Variants in PTPRD observed in about 807,000 individuals in gnomAD.
The protein encoded by PTPRD is receptor-type tyrosine-protein phosphatase delta.
In PTPRD, 34 loss-of-function variants were observed where a neutral mutation model predicts 214.5. That is an observed-to-expected ratio of 0.16 (90% CI 0.12 to 0.21). PTPRD has a LOEUF of 0.21. Among genes scored for constraint, PTPRD ranks in the 10% least tolerant of loss-of-function variants. The pLI is 1.00. For missense variants in PTPRD, 2,545 were observed against 2,398.7 expected, an observed-to-expected ratio of 1.06 and a Z score of -1.27; for synonymous variants, 1,128 against 845.7, an observed-to-expected ratio of 1.33 and a Z score of -5.79.
rs180736689 is a variant in PTPRD at position 9,132,336 on chromosome 9, T to A, written c.-143+50968A>T. On this transcript the variant is annotated intron_variant, in intron 10 of 45. Coordinates refer to ENST00000381196, the MANE Select transcript of PTPRD (RefSeq NM_002839.4). Reference sequence around the variant, plus strand: ...GCCACTAGTTTTGAAGGTTGTGAATTTTCCTAAATCTTGCATGATTTGGGT... The same window carrying A: ...GCCACTAGTTTTGAAGGTTGTGAATATTCCTAAATCTTGCATGATTTGGGT... Among the ~76,000 whole-genome samples the A allele has an allele frequency of 2.0e-4, 31 of 152,308 alleles. 1 individual carries two copies. The highest frequency in any genetic ancestry group is 1.5e-3 in the East Asian group (8 of 5,176).
intron 10 of PTPRD, among the ~76,000 whole-genome samples, chr9:9,105,231 T>A (rs758709747): frequency 2.0e-5 from 3 of 152,142 alleles, no homozygotes; most frequent in Non-Finnish European, 4.4e-5. Context: ...TCTTGAGAGG[T>A]GGCCTTATTC....
chr9:8,749,865 G>A (rs1181745630), intron 11 of PTPRD, among the ~76,000 whole-genome samples: 1 of 152,068 alleles, frequency 6.6e-6, no homozygotes, highest in African/African-American at 2.4e-5. Context: ...ACTTTGGGAG[G>A]CCAAGGAGGG....
chr9:8,612,267 A>G (rs1006802654), intron 14 of PTPRD, among the ~76,000 whole-genome samples: 1 of 152,210 alleles, frequency 6.6e-6, no homozygotes, highest in Non-Finnish European at 1.5e-5. Flanking sequence ...TCCAGTAAGT[A>G]TATTTATATT....
At chr9:9,042,621 T>TTC (rs1257047494) in intron 10 of PTPRD, among the ~76,000 whole-genome samples, 32 of 80,586 alleles carry the variant, frequency 4.0e-4, no homozygotes, top group African/African-American at 1.0e-3. Context: ...TTTCTTTTCT[T>TTC]TTTTTTTTTT....
chr9:9,268,284 ATACT>A (rs1264872604), intron 9 of PTPRD, among the ~76,000 whole-genome samples: 3 of 151,194 alleles, frequency 2.0e-5, no homozygotes, highest in African/African-American at 4.8e-5. Flanking sequence ...AAGAATAAAA[ATACT>A]TACGAATTAA....
chr9:10,189,747 T>C (rs551445822), intron 3 of PTPRD, among the ~76,000 whole-genome samples: 2 of 152,194 alleles, frequency 1.3e-5, no homozygotes, highest in Admixed American at 1.3e-4. Flanking sequence ...AATACAGAAG[T>C]ATATCACTAA....
rs111420128 is a variant in PTPRD, at chr9:8,549,881, T to G, written c.353-21102A>C. 2.1e-3 allele frequency among the ~76,000 whole-genome samples: 327 copies of G among 152,270 alleles called. 1 individual carries two copies. The highest frequency in any genetic ancestry group is 7.3e-3 in the African/African-American group (304 of 41,566). On this transcript the variant is annotated intron_variant, in intron 14 of 45. Transcript: ENST00000381196. The stretch of plus-strand genomic sequence containing the variant: ...AAGCCATGCAATCAGACAAAAAGGG[T>G]ACCATTTCAAGCTCTTTCATTTAGC...
intron 10 of PTPRD, among the ~76,000 whole-genome samples, chr9:9,084,564 G>A (rs577198800): frequency 1.4e-4 from 21 of 151,852 alleles, no homozygotes; most frequent in African/African-American, 5.1e-4. Flanking sequence ...TAGTAAAAAA[G>A]TTCCCACTGA....
intron 9 of PTPRD, among the ~76,000 whole-genome samples, chr9:9,223,929 A>G (rs998217324): frequency 6.6e-6 from 1 of 152,014 alleles, no homozygotes; most frequent in African/African-American, 2.4e-5. Flanking sequence ...TGAAATGAAT[A>G]TTTTGAATTC....
At chr9:8,626,694 ACTC>A (rs2096053388) in intron 14 of PTPRD, among the ~76,000 whole-genome samples, 4 of 151,388 alleles carry the variant, frequency 2.6e-5, no homozygotes, top group Admixed American at 2.0e-4. Context: ...GGAAGGAAGA[ACTC>A]CTCCTACCTT....
intron 4 of PTPRD, among the ~76,000 whole-genome samples, chr9:10,023,446 C>A (rs1032072934): frequency 1.3e-5 from 2 of 152,128 alleles, no homozygotes; most frequent in African/African-American, 4.8e-5. Context: ...CACATGATTT[C>A]TTCCACGTAC....
chr9:8,786,695 A>G (rs938983346), intron 11 of PTPRD, among the ~76,000 whole-genome samples: 4 of 151,246 alleles, frequency 2.6e-5, no homozygotes, highest in Non-Finnish European at 5.9e-5. Flanking sequence ...GATTACAGGC[A>G]TGAGCCATCA....
intron 12 of PTPRD, among the ~76,000 whole-genome samples, chr9:8,687,260 C>T (rs1372817548): frequency 6.6e-6 from 1 of 152,176 alleles, no homozygotes; most frequent in African/African-American, 2.4e-5. Flanking sequence ...TTTCAAAGCG[C>T]TTTCTTTCAA....
At chr9:9,671,349 C>G (rs997583868) in intron 7 of PTPRD, among the ~76,000 whole-genome samples, 2 of 152,112 alleles carry the variant, frequency 1.3e-5, no homozygotes, top group Admixed American at 6.5e-5. Context: ...AAGTAACTAG[C>G]TTGCTTTGGA....
intron 2 of PTPRD, among the ~76,000 whole-genome samples, chr9:10,348,516 C>T (rs2097128506): frequency 6.6e-6 from 1 of 152,128 alleles, no homozygotes; most frequent in Non-Finnish European, 1.5e-5. Context: ...AGGATGCAGC[C>T]TCTGAATTCT....
chr9:9,482,505 C>T (rs537646985), intron 8 of PTPRD, among the ~76,000 whole-genome samples: 38 of 152,164 alleles, frequency 2.5e-4, no homozygotes, highest in African/African-American at 7.9e-4. Flanking sequence ...TTTCATTGTC[C>T]AGATACTTGA....
intron 7 of PTPRD, among the ~76,000 whole-genome samples, chr9:9,698,579 T>C (rs1366794263): frequency 6.6e-6 from 1 of 152,140 alleles, no homozygotes; most frequent in African/African-American, 2.4e-5. Context: ...AGAACAAAGT[T>C]TTCTGGTCTG....
At chr9:8,917,278 A>T (rs574439457) in intron 11 of PTPRD, among the ~76,000 whole-genome samples, 121 of 140,688 alleles carry the variant, frequency 8.6e-4, no homozygotes, top group Admixed American at 3.0e-3. Context: ...ACAGGTGCCC[A>T]CCACCAGCCC....
intron 14 of PTPRD, among the ~76,000 whole-genome samples, chr9:8,603,429 G>C (rs976800028): frequency 2.0e-5 from 3 of 152,180 alleles, no homozygotes; most frequent in African/African-American, 7.2e-5. Context: ...TCTCCAGTCA[G>C]TGGTTTCAAA....
Sources: allele counts gnomAD v4.1 joint callset (sites outside exome capture counted in the v4.1 genomes callset), GRCh38; gene constraint gnomAD v4.1.1; transcripts MANE v1.5; gene names NCBI Gene and HGNC (gene_info 2026-07-23, HGNC 2026-07-21).